Variants in LRP6 observed in about 807,000 individuals in gnomAD.
LRP6 encodes LDL receptor related protein 6.
In LRP6, 43 loss-of-function variants were observed where a neutral mutation model predicts 184.1. That is an observed-to-expected ratio of 0.23 (90% CI 0.18 to 0.30). LRP6 has a LOEUF of 0.30. Ranked by LOEUF, LRP6 falls within the 10% of genes least tolerant of loss-of-function variation. The pLI is 1.00. For synonymous variants in LRP6, 719 were observed against 684.9 expected, an observed-to-expected ratio of 1.05 and a Z score of -0.78; for missense variants, 1,571 against 2,005.3, an observed-to-expected ratio of 0.78 and a Z score of 4.14.
At chr12:12,223,470 G>A (rs138882516) in intron 2 of LRP6, among the ~76,000 whole-genome samples, 111 of 152,238 alleles carry the variant, frequency 7.3e-4, no homozygotes, top group Admixed American at 3.0e-3. Flanking sequence ...CTACTCTTAT[G>A]ATGAAGGAAT....
Position 12,253,501 on chromosome 12 carries a change from T to C in LRP6, c.56-8846A>G, listed in dbSNP as rs983420113. 8.3e-4 allele frequency among the ~76,000 whole-genome samples: 126 copies of C among 152,130 alleles called. 1 individual carries two copies. Among genetic ancestry groups the C allele is most frequent in the Admixed American group, 3.1e-3 (47 of 15,264 alleles). On this transcript the variant is annotated intron_variant, in intron 1 of 22. Transcript: ENST00000261349. ...CAGGTTTGTTACATATGTATACATGTGCCATGTTGGTGTGCTGCACCCATT... is the reference window on the plus strand; with the variant it reads ...CAGGTTTGTTACATATGTATACATGCGCCATGTTGGTGTGCTGCACCCATT...
chr12:12,233,375 G>T (rs1236946528), intron 2 of LRP6, among the ~76,000 whole-genome samples: 4 of 152,194 alleles, frequency 2.6e-5, no homozygotes, highest in African/African-American at 9.7e-5. Flanking sequence ...GGCTGAGACA[G>T]GAGAATGGCG....
chr12:12,145,632 T>C (rs1161474878), intron 15 of LRP6, among the ~76,000 whole-genome samples: 1 of 126,764 alleles, frequency 7.9e-6, no homozygotes, highest in Non-Finnish European at 1.5e-5. Flanking sequence ...TTCTTTTTTT[T>C]TTTTTTTTTT....
chr12:12,204,866 C>A (rs1007967097), intron 2 of LRP6, among the ~76,000 whole-genome samples: 2 of 150,898 alleles, frequency 1.3e-5, no homozygotes, highest in African/African-American at 4.9e-5. Flanking sequence ...ACTCGGGAGG[C>A]TGAGGCAGGA....
chr12:12,191,020 C>T (rs1863598607), intron 3 of LRP6, among the ~76,000 whole-genome samples: 1 of 152,050 alleles, frequency 6.6e-6, no homozygotes, highest in South Asian at 2.1e-4. Flanking sequence ...GATATTGGCA[C>T]CTCTGCAGGA....
chr12:12,266,990 T>G lies in LRP6; in HGVS notation c.-255A>C, dbSNP rs966023333. 17 of 511,838 alleles carry G rather than the reference T, an allele frequency of 3.3e-5. No homozygotes were observed. Among genetic ancestry groups the G allele is most frequent in the Non-Finnish European group, 4.1e-5 (12 of 292,098 alleles). The allele number at this position is 511,838 out of a possible 1,614,324, so 31.7% of individuals were successfully genotyped here. ...GCCGCCTCCTCCCCCGGCGCCCCGC[T>G]TCCCCCGCGCAGCTCCTCATTCAGC... On this transcript the variant is annotated 5_prime_UTR_variant, in exon 1 of 23. Coordinates refer to ENST00000261349, the MANE Select transcript of LRP6 (RefSeq NM_002336.3).
At chr12:12,257,453 C>T (rs540581675) in intron 1 of LRP6, among the ~76,000 whole-genome samples, 47 of 151,168 alleles carry the variant, frequency 3.1e-4, no homozygotes, top group African/African-American at 1.1e-3. Flanking sequence ...TGGTGGTGGG[C>T]GCCTGTAGTC....
At position 12,118,114 on chromosome 12, in the gene LRP6, T is replaced by A. The variant is rs1357583428; in HGVS notation, c.*3012A>T. 1 of 152,204 alleles carries A rather than the reference T, an allele frequency of 6.6e-6. No homozygotes were observed. Among genetic ancestry groups the A allele is most frequent in the East Asian group, 1.9e-4 (1 of 5,200 alleles). The allele number at this position is 152,204 out of a possible 1,614,324, so 9.4% of individuals were successfully genotyped here. A position where few individuals can be genotyped will look rare whatever the true frequency, so the allele number is the denominator to read the frequency against. On this transcript the variant is annotated 3_prime_UTR_variant, in exon 23 of 23. Transcript: ENST00000261349. ...TACATAATCTTCTGCTAAACAGATA[T>A]CTTGTGATATGCTGTAAGAGTGGCA...
intron 17 of LRP6, among the ~76,000 whole-genome samples, chr12:12,133,188 A>G (rs1949781346): frequency 2.0e-5 from 3 of 152,222 alleles, no homozygotes; most frequent in Admixed American, 1.3e-4. Context: ...AAACTAATAA[A>G]CATAAAACAA....
intron 2 of LRP6, among the ~76,000 whole-genome samples, chr12:12,207,122 A>T (rs1864082230): frequency 6.6e-6 from 1 of 152,260 alleles, no homozygotes; most frequent in South Asian, 2.1e-4. Flanking sequence ...ACTGTGGGCA[A>T]ACATGGCAGG....
At chr12:12,246,240 C>T (rs1272102912) in intron 1 of LRP6, among the ~76,000 whole-genome samples, 4 of 151,624 alleles carry the variant, frequency 2.6e-5, no homozygotes, top group Non-Finnish European at 4.4e-5. Flanking sequence ...TCCTGGCCTC[C>T]GGTGATCCAC....
rs1391936817 is a variant in LRP6, at chr12:12,164,296, A to G, written c.2029T>C (p.Tyr677His). 1 of 1,614,084 alleles carries G rather than the reference A, an allele frequency of 6.2e-7. No individual in the cohort carries two copies. The highest frequency in any genetic ancestry group is 8.5e-7 in the Non-Finnish European group (1 of 1,179,998). Reference protein sequence around the residue: ...LDFDVTDNRIYWTDISLKTIS... With the variant: ...LDFDVTDNRIHWTDISLKTIS... ...ACCTTGAGTGATATATCAGTCCAATAAATTCGGTTGTCTGTCACATCAAAA... is the reference window on the plus strand; with the variant it reads ...ACCTTGAGTGATATATCAGTCCAATGAATTCGGTTGTCTGTCACATCAAAA... The change falls in exon 9 of 23, where the codon TAT becomes CAT. Residue 677 changes from tyrosine (Y) to histidine (H), a missense_variant. This residue lies in a region of LRP6 where 640 missense variants were observed against 851.9 expected (regional missense o/e 0.75). Coordinates refer to ENST00000261349, the MANE Select transcript of LRP6 (RefSeq NM_002336.3).
chr12:12,133,491 T>A (rs1283065774), intron 17 of LRP6, among the ~76,000 whole-genome samples: 1 of 152,046 alleles, frequency 6.6e-6, no homozygotes, highest in Non-Finnish European at 1.5e-5. Context: ...ACCCCCGCCA[T>A]CAAAGTTTCC....
At chr12:12,135,711 C>A (rs1351167722) in intron 16 of LRP6, among the ~76,000 whole-genome samples, 2 of 151,688 alleles carry the variant, frequency 1.3e-5, no homozygotes, top group African/African-American at 2.4e-5. Context: ...TCAGGTTGGT[C>A]CAGCTTGGAC....
intron 2 of LRP6, among the ~76,000 whole-genome samples, chr12:12,219,544 T>G (rs1246607682): frequency 1.3e-5 from 2 of 152,100 alleles, no homozygotes; most frequent in African/African-American, 4.8e-5. Context: ...ACCTCATTCA[T>G]TTTTCAACAT....
chr12:12,215,656 C>T (rs1864323999), intron 2 of LRP6, among the ~76,000 whole-genome samples: 1 of 151,176 alleles, frequency 6.6e-6, no homozygotes, highest in Admixed American at 6.6e-5. Context: ...TGGCCAAGGA[C>T]TAAGATTTAA....
chr12:12,116,530 T>C lies in LRP6; in HGVS notation c.*4596A>G, dbSNP rs1378993593. ...GATATATAGAATATGTATCTATATA[T>C]AAATATATCTCTATCGCCCATCCTG... On this transcript the variant is annotated 3_prime_UTR_variant, in exon 23 of 23. Coordinates refer to ENST00000261349, the MANE Select transcript of LRP6 (RefSeq NM_002336.3). 6.6e-6 allele frequency: 1 copy of C among 152,220 alleles called. No individual in the cohort carries two copies. Among genetic ancestry groups the C allele is most frequent in the Non-Finnish European group, 1.5e-5 (1 of 68,036 alleles). The allele number at this position is 152,220 out of a possible 1,614,324, so 9.4% of individuals were successfully genotyped here.
intron 1 of LRP6, among the ~76,000 whole-genome samples, chr12:12,254,366 T>G (rs1013073878): frequency 6.6e-6 from 1 of 152,106 alleles, no homozygotes; most frequent in Non-Finnish European, 1.5e-5. Flanking sequence ...AATAAACTGA[T>G]GAAGGATGAT....
intron 12 of LRP6, among the ~76,000 whole-genome samples, chr12:12,151,442 C>A (rs1950078613): frequency 6.7e-6 from 1 of 148,702 alleles, no homozygotes; most frequent in African/African-American, 2.5e-5. Flanking sequence ...AACTTCTAGA[C>A]TGATTTTACA....
Sources: gnomAD v4.1 joint callset for allele counts (sites outside exome capture counted in the v4.1 genomes callset) on GRCh38, gnomAD v4.1.1 for gene constraint, gnomAD v4.1.1 regional missense constraint, MANE v1.5 for transcripts, NCBI Gene and HGNC (gene_info 2026-07-23, HGNC 2026-07-21) for gene names.